PLCB1: variants seen among roughly 807,000 people sequenced by gnomAD.
The protein encoded by PLCB1 is phospholipase C beta 1.
PLCB1 carries 46 observed loss-of-function variants against 161.8 expected under a neutral mutation model. That is an observed-to-expected ratio of 0.28 (90% confidence interval 0.22 to 0.36). PLCB1 has a LOEUF of 0.36. PLCB1 is among the 10% of genes least tolerant of loss of function. PLCB1 has a pLI of 1.00. For missense variants in PLCB1, 1,016 were observed against 1,472.5 expected (o/e 0.69, Z 5.07); for synonymous variants, 517 against 503.7 (o/e 1.03, Z -0.35).
At chr20:8,827,516 G>T (rs1424989293) in intron 31 of PLCB1, among the ~76,000 whole-genome samples, 1 of 152,130 alleles carries the variant, frequency 6.6e-6, no homozygotes, top group South Asian at 2.1e-4. Context: ...GCCATACAGG[G>T]CTATTTAAAT....
At position 8,148,170 on chromosome 20, in the gene PLCB1, G is replaced by A. The variant is rs575156939; in HGVS notation, c.100-2124G>A. Among the ~76,000 whole-genome samples, 3 of 152,126 alleles carry A rather than the reference G, an allele frequency of 2.0e-5. 1 individual carries two copies. In the South Asian group the frequency reaches 6.2e-4, roughly 32 times the overall value. ...TCTAAAGTCCTCTAGAAGTGGGAAT[G>A]TGTGCTGTGTGCAGCCTGTCAAAAC... is the stretch of plus-strand genomic sequence containing the variant. On this transcript the variant is annotated intron_variant, in intron 1 of 31. Transcript: ENST00000338037.
intron 19 of PLCB1, among the ~76,000 whole-genome samples, chr20:8,733,680 C>T (rs909830400): frequency 1.3e-5 from 2 of 150,740 alleles, no homozygotes; most frequent in Non-Finnish European, 2.9e-5. Context: ...AGGAGATACA[C>T]CTAATGCTAA....
At chr20:8,254,120 T>C (rs911154440) in intron 2 of PLCB1, among the ~76,000 whole-genome samples, 3 of 152,042 alleles carry the variant, frequency 2.0e-5, no homozygotes, top group Admixed American at 1.3e-4. Context: ...TGCTATATTG[T>C]ACACATTTCA....
intron 2 of PLCB1, among the ~76,000 whole-genome samples, chr20:8,180,094 G>A (rs1299230312): frequency 2.0e-5 from 3 of 151,678 alleles, no homozygotes; most frequent in South Asian, 2.1e-4. Flanking sequence ...TCCTGACCTC[G>A]TGATCCGCCC....
At chr20:8,718,027 G>A (rs1218964282) in intron 14 of PLCB1, among the ~76,000 whole-genome samples, 179 bp downstream of exon 14, 1 of 151,874 alleles carries the variant, frequency 6.6e-6, no homozygotes. Flanking sequence ...CGTGTCTTTG[G>A]TGGCCAACAT....
At chr20:8,611,130 T>A (rs1338448940) in intron 3 of PLCB1, among the ~76,000 whole-genome samples, 1 of 151,938 alleles carries the variant, frequency 6.6e-6, no homozygotes, top group Non-Finnish European at 1.5e-5. Flanking sequence ...TTATAGAAGG[T>A]AAGGATGAAA....
intron 7 of PLCB1, among the ~76,000 whole-genome samples, chr20:8,654,564 T>A (rs1989401447): frequency 1.3e-5 from 2 of 151,702 alleles, no homozygotes; most frequent in African/African-American, 4.8e-5. Flanking sequence ...ATATAAAAAA[T>A]AAAGGAAAAG....
chr20:8,508,239 G>A (rs1983723577), intron 3 of PLCB1, among the ~76,000 whole-genome samples: 1 of 152,176 alleles, frequency 6.6e-6, no homozygotes, highest in Admixed American at 6.5e-5. Flanking sequence ...TCCTTCCTGG[G>A]CAGGGTTTTA....
chr20:8,772,735 C>T (rs1407597687), intron 26 of PLCB1, among the ~76,000 whole-genome samples: 3 of 151,958 alleles, frequency 2.0e-5, no homozygotes, highest in African/African-American at 7.3e-5. Flanking sequence ...GAGTTTGAGA[C>T]CAGCCTGACC....
chr20:8,754,805 T>G (rs7261061), intron 23 of PLCB1, among the ~76,000 whole-genome samples: 34,661 of 152,124 alleles, frequency 0.23, 3,971 homozygotes, highest in Middle Eastern at 0.36. Flanking sequence ...AAGATCACCT[T>G]AATTAAAAGA....
intron 3 of PLCB1, among the ~76,000 whole-genome samples, chr20:8,447,609 G>T (rs1156853888): frequency 6.6e-6 from 1 of 152,156 alleles, no homozygotes; most frequent in Non-Finnish European, 1.5e-5. Context: ...AGAGAAAATT[G>T]TTCTAGGAAG....
At chr20:8,179,898 G>T (rs376570873) in intron 2 of PLCB1, among the ~76,000 whole-genome samples, 4 of 110,552 alleles carry the variant, frequency 3.6e-5, no homozygotes, top group Non-Finnish European at 5.0e-5. Flanking sequence ...CCTCTCTGTC[G>T]CCCAGGCTGG....
At chr20:8,134,343 G>A (rs931003757) in intron 1 of PLCB1, among the ~76,000 whole-genome samples, 8 of 152,216 alleles carry the variant, frequency 5.3e-5, no homozygotes, top group Admixed American at 2.0e-4. Flanking sequence ...GCAGAGGAAA[G>A]AGAAAGAGAC....
intron 31 of PLCB1, among the ~76,000 whole-genome samples, chr20:8,830,047 C>A (rs1293798009): frequency 6.6e-6 from 1 of 152,172 alleles, no homozygotes; most frequent in Non-Finnish European, 1.5e-5. Flanking sequence ...AACTGCTGGT[C>A]CAAGAGATGG....
At chr20:8,159,061 T>C (rs1262308727) in intron 2 of PLCB1, among the ~76,000 whole-genome samples, 1 of 152,152 alleles carries the variant, frequency 6.6e-6, no homozygotes, top group African/African-American at 2.4e-5. Context: ...AGTGCCCCAG[T>C]TGGGACTGGG....
chr20:8,161,852 C>T (rs542522469), intron 2 of PLCB1, among the ~76,000 whole-genome samples: 1 of 151,442 alleles, frequency 6.6e-6, no homozygotes, highest in Non-Finnish European at 1.5e-5. Flanking sequence ...AGATAGAAAG[C>T]AAGCTGACCT....
chr20:8,883,548 A>G lies in PLCB1; in HGVS notation c.*1699A>G, dbSNP rs1173253264. ...AGCTTTGTGAAATATCTTAAAACGC[A>G]AAAACCAATTGTGTCCTGAAAATTG... On this transcript the variant is annotated 3_prime_UTR_variant, in exon 32 of 32. Coordinates refer to ENST00000338037, the MANE Select transcript of PLCB1 (RefSeq NM_015192.4). 1.3e-5 allele frequency: 2 copies of G among 152,082 alleles called. No homozygotes were observed. Among genetic ancestry groups the G allele is most frequent in the Non-Finnish European group, 2.9e-5 (2 of 67,962 alleles). The allele number at this position is 152,082 out of a possible 1,614,324, so 9.4% of individuals were successfully genotyped here. A position where few individuals can be genotyped will look rare whatever the true frequency, so the allele number is the denominator to read the frequency against.
At chr20:8,477,790 C>T (rs746273012) in intron 3 of PLCB1, among the ~76,000 whole-genome samples, 23 of 152,198 alleles carry the variant, frequency 1.5e-4, no homozygotes, top group South Asian at 4.1e-4. Flanking sequence ...AGGGCGATGG[C>T]GCCAAGACAG....
chr20:8,511,683 C>T (rs1169424878), intron 3 of PLCB1, among the ~76,000 whole-genome samples: 2 of 152,038 alleles, frequency 1.3e-5, no homozygotes, highest in East Asian at 1.9e-4. Flanking sequence ...CGCCAACGTT[C>T]GTTATCTTTT....
Sources: allele counts gnomAD v4.1 joint callset (sites outside exome capture counted in the v4.1 genomes callset), GRCh38; gene constraint gnomAD v4.1.1; transcripts MANE v1.5; gene names NCBI Gene and HGNC (gene_info 2026-07-23, HGNC 2026-07-21).